The following CHD2 variants were observed in gnomAD, a reference collection of about 807,000 sequenced individuals.
CHD2 encodes chromodomain helicase DNA binding protein 2.
A neutral mutation model predicts 243.9 loss-of-function variants in CHD2; 28 were observed. That is an observed-to-expected ratio of 0.11 (90% CI 0.09 to 0.16). The LOEUF (loss-of-function observed/expected upper bound fraction) is 0.16. Ranked by LOEUF, CHD2 falls within the 10% of genes least tolerant of loss-of-function variation. CHD2 has a pLI of 1.00. For missense variants in CHD2, 1,386 were observed against 2,209.8 expected (o/e 0.63, Z 7.47); for synonymous variants, 775 against 779.0 (o/e 0.99, Z 0.09).
chr15:92,968,634 T>C (rs1024814270), intron 17 of CHD2, among the ~76,000 whole-genome samples: 1 of 152,234 alleles, frequency 6.6e-6, no homozygotes, highest in Non-Finnish European at 1.5e-5. Context: ...AAAGAAACTT[T>C]CCCATGTCAG....
rs1470633532 is a variant in CHD2, at chr15:92,951,090, T to C, written c.1502+2014T>C. ...CCTCTCATTTTATAATTGAAGACTCTTAGGAACAAAGGTGCCGTGTACCCA... is the reference window on the plus strand; with the variant it reads ...CCTCTCATTTTATAATTGAAGACTCCTAGGAACAAAGGTGCCGTGTACCCA... On this transcript the variant is annotated intron_variant, in intron 13 of 38. Coordinates refer to ENST00000394196, the MANE Select transcript of CHD2 (RefSeq NM_001271.4). Among the ~76,000 whole-genome samples, 3 of 152,212 alleles carry C rather than the reference T, an allele frequency of 2.0e-5. No individual in the cohort carries two copies. The East Asian group carries it at 5.8e-4, about 29-fold the overall frequency.
At chr15:92,908,493 GCTT>G (rs2052664451) in intron 2 of CHD2, among the ~76,000 whole-genome samples, 2 of 152,186 alleles carry the variant, frequency 1.3e-5, no homozygotes, top group South Asian at 4.1e-4. Context: ...ACTGTGGAGA[GCTT>G]CTAAAAATAC....
intron 36 of CHD2, among the ~76,000 whole-genome samples, chr15:93,014,424 A>C (rs1028657124): frequency 2.0e-5 from 3 of 152,190 alleles, no homozygotes; most frequent in African/African-American, 4.8e-5. Flanking sequence ...CGCCTACACC[A>C]TACCCTGTAC....
intron 24 of CHD2, among the ~76,000 whole-genome samples, 175 bp downstream of exon 24, chr15:92,981,632 C>T (rs767723675): frequency 6.6e-5 from 10 of 152,104 alleles, no homozygotes; most frequent in Non-Finnish European, 7.4e-5. Flanking sequence ...TTCTACAGTC[C>T]GCACGAAGGT....
At chr15:92,907,601 A>T (rs960470175) in intron 2 of CHD2, among the ~76,000 whole-genome samples, 1 of 152,156 alleles carries the variant, frequency 6.6e-6, no homozygotes. Flanking sequence ...TTTTGTTCCC[A>T]GTTTAGGCCA....
rs370615739 is a variant in CHD2 at position 92,934,505 on chromosome 15, C to G, written c.444-3013C>G. ...ACATTTTTTGCTCACGATCTCATAT[C>G]TTAAACTATTCTTTATTGTAGACTG... On this transcript the variant is annotated intron_variant, in intron 5 of 38. Coordinates refer to ENST00000394196, the MANE Select transcript of CHD2 (RefSeq NM_001271.4). Among the ~76,000 whole-genome samples the G allele has an allele frequency of 3.9e-5, 6 of 152,280 alleles. No homozygotes were observed. In the East Asian group the frequency reaches 5.8e-4, roughly 15 times the overall value.
chr15:92,904,562 C>A, intron 2 of CHD2: 1 of 1,013,156 alleles, frequency 9.9e-7, no homozygotes, highest in Non-Finnish European at 1.2e-6. Context: ...TTGCTCCTGG[C>A]AGTCTTGTCC....
At position 93,020,044 on chromosome 15, in the gene CHD2, A is replaced by G; in HGVS notation, c.4939A>G (p.Asn1647Asp). The G allele has an allele frequency of 6.2e-7, 1 of 1,613,950 alleles. No homozygotes were observed. ...RGDWQRERKF[N>D]YGGGNNNPPW... ...AGACTGGCAGAGGGAAAGAAAGTTC[A>G]ACTATGGTGGTGGCAACAACAATCC... The change falls in exon 38 of 39, where the codon AAC becomes GAC. Residue 1647 changes from asparagine to aspartate, a missense_variant. Coordinates refer to ENST00000394196, the MANE Select transcript of CHD2 (RefSeq NM_001271.4).
chr15:93,003,962 A>G (rs1253675766), intron 33 of CHD2, among the ~76,000 whole-genome samples: 1 of 152,072 alleles, frequency 6.6e-6, no homozygotes, highest in Non-Finnish European at 1.5e-5. Flanking sequence ...CGTCTGTACT[A>G]AAAATACAAA....
At chr15:92,917,714 G>T (rs1281267545) in intron 2 of CHD2, among the ~76,000 whole-genome samples, 1 of 152,226 alleles carries the variant, frequency 6.6e-6, no homozygotes, top group Non-Finnish European at 1.5e-5. Flanking sequence ...GTAAATAAGG[G>T]CAGTGATACC....
intron 17 of CHD2, 57 bp downstream of exon 17, chr15:92,967,570 T>G: frequency 7.6e-7 from 1 of 1,318,610 alleles, no homozygotes; most frequent in Non-Finnish European, 1.1e-6. Flanking sequence ...ATGAAACTAT[T>G]AGATAGGAGA....
At chr15:92,972,189 T>A in intron 18 of CHD2, 76 bp from the exon 19 acceptor site, 1 of 1,460,556 alleles carries the variant, frequency 6.8e-7, no homozygotes, top group Non-Finnish European at 9.3e-7. Flanking sequence ...ATTTTTAAAA[T>A]ATGGATTTGT....
chr15:93,010,587 C>T (rs2054380029), intron 35 of CHD2, among the ~76,000 whole-genome samples: 1 of 151,984 alleles, frequency 6.6e-6, no homozygotes, highest in African/African-American at 2.4e-5. Flanking sequence ...TCACGCCTGG[C>T]TAATTTTTGT....
At chr15:93,012,020 A>G (rs7167842) in intron 35 of CHD2, among the ~76,000 whole-genome samples, 56,371 of 151,900 alleles carry the variant, frequency 0.37, 11,420 homozygotes, top group East Asian at 0.82. Context: ...CCTCTGTCAG[A>G]CTCTTTTGGC....
chr15:92,953,279 G>A, intron 13 of CHD2, 78 bp from the exon 14 acceptor site: 1 of 1,126,158 alleles, frequency 8.9e-7, no homozygotes, highest in Non-Finnish European at 1.3e-6. Flanking sequence ...AAGCATTGGT[G>A]TCGTTGCTGT....
intron 5 of CHD2, among the ~76,000 whole-genome samples, chr15:92,931,123 GGT>G (rs1167597565): frequency 6.6e-6 from 1 of 152,094 alleles, no homozygotes; most frequent in African/African-American, 2.4e-5. Context: ...CCTAATGTGT[GGT>G]CACATGCATT....
chr15:92,924,648 A>G (rs1190011256), intron 3 of CHD2, 96 bp downstream of exon 3: 2 of 1,060,788 alleles, frequency 1.9e-6, no homozygotes, highest in Admixed American at 1.9e-5. Flanking sequence ...TATCTTGATG[A>G]TGAAACCTAC....
chr15:93,020,526 G>A, intron 38 of CHD2: 4 of 593,014 alleles, frequency 6.7e-6, no homozygotes, highest in Non-Finnish European at 1.2e-5. Flanking sequence ...AAATATTAGA[G>A]TCAACAACCA....
Position 93,024,736 on chromosome 15 carries a change from C to T in CHD2, c.*31C>T. The T allele has an allele frequency of 6.4e-7, 1 of 1,554,072 alleles. No individual in the cohort carries two copies. Among genetic ancestry groups the T allele is most frequent in the Non-Finnish European group, 8.7e-7 (1 of 1,145,398 alleles). On this transcript the variant is annotated 3_prime_UTR_variant, in exon 39 of 39. Transcript: ENST00000394196. Reference sequence around the variant, plus strand: ...AGCTCGTAAAGGAGAGAGTAAGAGTCACCAAACACGTGGATATTTTTGGTC... The same window carrying T: ...AGCTCGTAAAGGAGAGAGTAAGAGTTACCAAACACGTGGATATTTTTGGTC...
Sources: allele counts gnomAD v4.1 joint callset (sites outside exome capture counted in the v4.1 genomes callset), GRCh38; gene constraint gnomAD v4.1.1; transcripts MANE v1.5; gene names NCBI Gene and HGNC (gene_info 2026-07-23, HGNC 2026-07-21).